The following CACNA1C variants were observed in gnomAD, a reference collection of about 807,000 sequenced individuals.
CACNA1C encodes the protein calcium voltage-gated channel subunit alpha1 C.
A neutral mutation model predicts 229.0 loss-of-function variants in CACNA1C; 30 were observed. The observed-to-expected ratio is 0.13, with a 90% confidence interval of 0.10 to 0.18. The LOEUF (loss-of-function observed/expected upper bound fraction) is 0.18, where lower values mean the gene tolerates loss of function less well. CACNA1C is among the 10% of genes least tolerant of loss of function. The probability of loss-of-function intolerance (pLI) is 1.00; values close to 1 mark genes in which losing one functional copy is unlikely to be tolerated. For missense variants in CACNA1C, 1,658 were observed against 2,845.0 expected, an observed-to-expected ratio of 0.58 and a Z score of 9.49; for synonymous variants, 1,114 against 1,132.5, an observed-to-expected ratio of 0.98 and a Z score of 0.33.
At chr12:2,289,887 G>A (rs1309356994) in intron 3 of CACNA1C, among the ~76,000 whole-genome samples, 1 of 152,152 alleles carries the variant, frequency 6.6e-6, no homozygotes, top group Non-Finnish European at 1.5e-5. Flanking sequence ...AAGTCACATA[G>A]AATCACTGAA....
chr12:2,519,797 C>T (rs374047784), intron 9 of CACNA1C, among the ~76,000 whole-genome samples: 14 of 152,144 alleles, frequency 9.2e-5, no homozygotes, highest in East Asian at 5.8e-4. Context: ...TCACCCAAAG[C>T]GGGGCGTGGG....
At chr12:2,669,207 A>G (rs2096411898) in intron 38 of CACNA1C, among the ~76,000 whole-genome samples, 172 bp downstream of exon 38, 1 of 152,084 alleles carries the variant, frequency 6.6e-6, no homozygotes, top group African/African-American at 2.4e-5. Context: ...CAGCCTGCTC[A>G]TGACTTCTTT....
At chr12:2,298,117 G>A (rs1374560274) in intron 3 of CACNA1C, among the ~76,000 whole-genome samples, 2 of 152,166 alleles carry the variant, frequency 1.3e-5, no homozygotes, top group African/African-American at 2.4e-5. Flanking sequence ...TGCTTGGTGC[G>A]GCAACTCAAC....
At position 2,593,282 on chromosome 12, in the gene CACNA1C, T is replaced by G; in HGVS notation, c.2600T>G (p.Leu867Arg). 1 of 1,613,784 alleles carries G rather than the reference T, an allele frequency of 6.2e-7. No homozygotes were observed. The highest frequency in any genetic ancestry group is 8.5e-7 in the Non-Finnish European group (1 of 1,179,814). ...CCACGACCACTCTCTGAGCTTCACC[T>G]TAAGGAAAAGGCAGTGCCCATGCCA... ...PRPRPLSELH[L>R]KEKAVPMPEA... is the part of the protein sequence containing the mutation. The change falls in exon 19 of 47, where the codon CTT (leucine) becomes CGT (arginine). Residue 867 changes from leucine to arginine, a missense_variant. Physicochemically the swap from Leu to Arg is moderately radical, Grantham distance 102. Around this residue, in one of 20 missense-constraint regions of CACNA1C, gnomAD observed 121 missense variants for 128.8 expected, o/e 0.94. Coordinates refer to ENST00000399655, the MANE Select transcript of CACNA1C (RefSeq NM_000719.7).
chr12:2,535,132 A>G (rs1405321620), intron 9 of CACNA1C, among the ~76,000 whole-genome samples: 2 of 152,048 alleles, frequency 1.3e-5, no homozygotes, highest in African/African-American at 2.4e-5. Context: ...GCTCACGCCT[A>G]TCATCCCAGC....
chr12:2,679,663 A>G lies in CACNA1C; in HGVS notation c.5311A>G (p.Asn1771Asp). 1 of 1,613,728 alleles carries G rather than the reference A, an allele frequency of 6.2e-7. No individual in the cohort carries two copies. Among genetic ancestry groups the G allele is most frequent in the Non-Finnish European group, 8.5e-7 (1 of 1,179,784 alleles). Reference protein sequence around the residue: ...TGSNANINNANNTALGRLPRP... With the variant: ...TGSNANINNADNTALGRLPRP... ...CTCCAACGCCAACATCAACAACGCC[A>G]ACAACACCGCCCTGGGTCGCCTCCC... The change falls in exon 42 of 47, where the codon AAC becomes GAC. Residue 1771 changes from asparagine to aspartate, a missense_variant. Physicochemically the swap from Asn to Asp is conservative, Grantham distance 23 (BLOSUM62 1). Transcript: ENST00000399655. The surrounding 1 kb of genome is among the most constrained non-coding windows in gnomAD (Gnocchi z 5.5).
chr12:2,554,018 T>C (rs541668422), intron 10 of CACNA1C, among the ~76,000 whole-genome samples: 191 of 152,280 alleles, frequency 1.3e-3, no homozygotes, highest in African/African-American at 3.9e-3. Flanking sequence ...ATCTGACTTA[T>C]ATTAAAGGCG....
intron 13 of CACNA1C, among the ~76,000 whole-genome samples, chr12:2,576,696 A>G (rs568347390): frequency 5.3e-5 from 8 of 152,196 alleles, no homozygotes; most frequent in Admixed American, 6.5e-5. Flanking sequence ...CCATCAGACC[A>G]CATTAAGAGG....
chr12:1,983,107 A>G (rs2036620424), intron 1 of CACNA1C, among the ~76,000 whole-genome samples: 1 of 149,484 alleles, frequency 6.7e-6, no homozygotes, highest in Non-Finnish European at 1.5e-5. Context: ...CATTTCTGAT[A>G]CTGCTAATTT....
Position 2,108,270 on chromosome 12 carries a change from C to T in CACNA1C, c.50-6954C>T, listed in dbSNP as rs546692100. 9.2e-5 allele frequency among the ~76,000 whole-genome samples: 14 copies of T among 152,258 alleles called. No individual in the cohort carries two copies. Among genetic ancestry groups the T allele is most frequent in the South Asian group, 6.2e-4 (3 of 4,818 alleles). On this transcript the variant is annotated intron_variant, in intron 1 of 46. Transcript: ENST00000399655. This position sits in a 1 kb window ranked among gnomAD's most constrained non-coding sequence, Gnocchi z 5.3. ...AATGCTGCAAGAGCAGGCTTTAGGCCGGGTCTGTGGGAATGATTCCCAAAA... is the reference window on the plus strand; with the variant it reads ...AATGCTGCAAGAGCAGGCTTTAGGCTGGGTCTGTGGGAATGATTCCCAAAA...
At chr12:2,119,286 C>T (rs955659218) in intron 2 of CACNA1C, among the ~76,000 whole-genome samples, 1 of 152,206 alleles carries the variant, frequency 6.6e-6, no homozygotes, top group Admixed American at 6.5e-5. Context: ...CGGATCTCCA[C>T]CCCTCTCTGT....
intron 5 of CACNA1C, among the ~76,000 whole-genome samples, chr12:2,484,909 C>CTTT (rs3058705): frequency 0.21 from 30,263 of 145,240 alleles, 4,278 homozygotes; most frequent in African/African-American, 0.41. Context: ...TCTCTTCTTT[C>CTTT]TTTTTTTTTT....
rs73605787 is a variant in CACNA1C, at chr12:2,348,932, C to T, written c.478-100044C>T. Among the ~76,000 whole-genome samples the T allele has an allele frequency of 0.019, 2,940 of 152,282 alleles. 105 individuals are homozygous for T. Among genetic ancestry groups the T allele is most frequent in the African/African-American group, 0.067 (2,799 of 41,550 alleles). On this transcript the variant is annotated intron_variant, in intron 3 of 46. Transcript: ENST00000399655. This position sits in a 1 kb window ranked among gnomAD's most constrained non-coding sequence, Gnocchi z 4.7. The stretch of plus-strand genomic sequence containing the variant: ...TCCTTAATGGAATTCCTCTTAGAGG[C>T]AGGCATCGACTGGCTAACTGGTATG...
At chr12:2,329,323 A>T (rs1407750272) in intron 3 of CACNA1C, among the ~76,000 whole-genome samples, 1 of 152,204 alleles carries the variant, frequency 6.6e-6, no homozygotes, top group Non-Finnish European at 1.5e-5. Context: ...AAACACATGG[A>T]ACTCTGTAAT....
chr12:2,292,537 C>T (rs2093617093), intron 3 of CACNA1C, among the ~76,000 whole-genome samples: 1 of 152,182 alleles, frequency 6.6e-6, no homozygotes, highest in Non-Finnish European at 1.5e-5. Flanking sequence ...CCAGGACTTA[C>T]CACCTGTATG....
In CACNA1C at chr12:2,692,993, T is replaced by G. The variant is rs1366616809; in HGVS notation, c.*1794T>G. On this transcript the variant is annotated 3_prime_UTR_variant, in exon 47 of 47. Coordinates refer to ENST00000399655, the MANE Select transcript of CACNA1C (RefSeq NM_000719.7). ...ATGTGGTTGGGGGAAAGGGAACAAGTTTTCTTTAGTTTGCACAATGAGCAA... is the reference window on the plus strand; with the variant it reads ...ATGTGGTTGGGGGAAAGGGAACAAGGTTTCTTTAGTTTGCACAATGAGCAA... 1.3e-5 allele frequency: 2 copies of G among 152,566 alleles called. No homozygotes were observed. The highest frequency in any genetic ancestry group is 3.9e-4 in the East Asian group (2 of 5,194). The allele number at this position is 152,566 out of a possible 1,614,324, so 9.5% of individuals were successfully genotyped here.
At chr12:2,662,166 C>T (rs1178642442) in intron 34 of CACNA1C, among the ~76,000 whole-genome samples, 2 of 150,962 alleles carry the variant, frequency 1.3e-5, no homozygotes, top group African/African-American at 2.4e-5. Context: ...CTCTTGAACC[C>T]AGGAGATGGA....
chr12:2,466,786 C>T (rs1190241902), intron 5 of CACNA1C, among the ~76,000 whole-genome samples: 1 of 152,090 alleles, frequency 6.6e-6, no homozygotes, highest in Non-Finnish European at 1.5e-5. Context: ...CTTGAAGGGC[C>T]TGGACTGGCT....
chr12:2,443,003 C>A (rs1269814456), intron 3 of CACNA1C, among the ~76,000 whole-genome samples: 2 of 152,176 alleles, frequency 1.3e-5, no homozygotes, highest in East Asian at 3.9e-4. Context: ...TGCCTTCTCC[C>A]AAATCTCATG....
Sources: gnomAD v4.1 joint callset for allele counts (sites outside exome capture counted in the v4.1 genomes callset) on GRCh38, gnomAD v4.1.1 for gene constraint, gnomAD v4.1.1 regional missense constraint, Gnocchi (gnomAD v3.1) non-coding constraint, MANE v1.5 for transcripts, NCBI Gene and HGNC (gene_info 2026-07-23, HGNC 2026-07-21) for gene names.